MTCL1: variants seen among roughly 807,000 people sequenced by gnomAD.
MTCL1 encodes microtubule cross-linking factor 1.
A neutral mutation model predicts 141.4 loss-of-function variants in MTCL1; 79 were observed. The observed-to-expected ratio is 0.56, with a 90% CI of 0.47 to 0.67. The LOEUF is 0.67. Ranked by LOEUF, MTCL1 falls within the 30% of genes least tolerant of loss-of-function variation. The probability of loss-of-function intolerance (pLI) is 0.00; values close to 1 mark genes in which losing one functional copy is unlikely to be tolerated. For missense variants in MTCL1, 2,177 were observed against 2,113.9 expected (o/e 1.03, Z -0.59); for synonymous variants, 914 against 875.8 (o/e 1.04, Z -0.77).
chr18:8,817,330 A>C (rs1568093506), intron 12 of MTCL1, among the ~76,000 whole-genome samples: 4 of 132,128 alleles, frequency 3.0e-5, no homozygotes, highest in Non-Finnish European at 1.5e-5. Context: ...ATCATCAGGG[A>C]GGTGGAGGAG....
chr18:8,758,883 A>G (rs2148991390), intron 4 of MTCL1, among the ~76,000 whole-genome samples: 1 of 152,288 alleles, frequency 6.6e-6, no homozygotes, highest in Non-Finnish European at 1.5e-5. Context: ...AAATATACCT[A>G]TCTTGCAGAT....
At chr18:8,786,119 C>CCGCCA in intron 7 of MTCL1, 28 bp downstream of exon 6, 2 of 1,428,830 alleles carry the variant, frequency 1.4e-6, no homozygotes, top group East Asian at 2.6e-5. Context: ...ATCCCCCCCC[C>CCGCCA]CCGCCCTCCC....
intron 7 of MTCL1, chr18:8,787,071 C>T (rs1286015032): frequency 2.0e-5 from 3 of 152,762 alleles, no homozygotes; most frequent in African/African-American, 7.2e-5. Context: ...TGTCAGAGAG[C>T]TCTCCTCCTG....
At chr18:8,706,103 C>G (rs2096057691) in exon 1 of MTCL1, 1 of 1,208,940 alleles carries the variant, frequency 8.3e-7, no homozygotes. Context: ...GGGAAGCCTC[C>G]CGGAGCCGAG....
At chr18:8,765,298 A>G (rs1768638055) in intron 4 of MTCL1, among the ~76,000 whole-genome samples, 1 of 152,216 alleles carries the variant, frequency 6.6e-6, no homozygotes, top group African/African-American at 2.4e-5. Context: ...TGGGGCAACT[A>G]TGCCAGAGAC....
At chr18:8,809,384 T>C in intron 11 of MTCL1, 1 of 1,514,514 alleles carries the variant, frequency 6.6e-7, no homozygotes, top group Non-Finnish European at 8.8e-7. Context: ...ACGGATCTTT[T>C]TGAAAGGAAG....
chr18:8,825,786 C>T, exon 15 of MTCL1: 2 of 1,614,138 alleles, frequency 1.2e-6, no homozygotes, highest in Non-Finnish European at 1.7e-6. Flanking sequence ...AGCCTGGGCC[C>T]GCTCCACCAC....
At chr18:8,718,727 T>C in intron 3 of MTCL1, 79 bp downstream of exon 2, 2 of 1,308,300 alleles carry the variant, frequency 1.5e-6, no homozygotes, top group South Asian at 2.4e-5. Flanking sequence ...CTGGTGTTTT[T>C]TCCCTGCTTG....
chr18:8,786,032 C>G, exon 7 of MTCL1: 4 of 1,606,326 alleles, frequency 2.5e-6, no homozygotes, highest in African/African-American at 2.7e-5. Context: ...GCTGCACCGC[C>G]GCGCAGACGG....
chr18:8,783,415 A>G (rs2143500333), intron 5 of MTCL1, 115 bp from the exon 5 acceptor site: 1 of 961,408 alleles, frequency 1.0e-6, no homozygotes, highest in Non-Finnish European at 1.5e-6. Flanking sequence ...ACCGATGGGA[A>G]GATCGGTGTT....
At chr18:8,826,752 A>G (rs2077040446) in intron 15 of MTCL1, among the ~76,000 whole-genome samples, 2 of 152,164 alleles carry the variant, frequency 1.3e-5, no homozygotes, top group Admixed American at 1.3e-4. Flanking sequence ...GCAGCTCACA[A>G]ATCACTTACC....
chr18:8,798,951 G>A (rs775362824), intron 10 of MTCL1, among the ~76,000 whole-genome samples: 5 of 152,166 alleles, frequency 3.3e-5, no homozygotes, highest in African/African-American at 4.8e-5. Context: ...CTGTGTTAAC[G>A]CTGTCTCGCT....
rs190130841 is a variant in MTCL1, at chr18:8,707,018, T to C, written c.1053+305T>C. On this transcript the variant is annotated intron_variant, in intron 1 of 13. Transcript: ENST00000306329. ...TGGGGCAGAGGAGGCTGTAATCGTTTTGGGGACATCAGCGGACGCCCCCAT... is the reference window on the plus strand; with the variant it reads ...TGGGGCAGAGGAGGCTGTAATCGTTCTGGGGACATCAGCGGACGCCCCCAT... 3.3e-3 allele frequency: 1,036 copies of C among 315,584 alleles called. 19 individuals are homozygous for C. Among genetic ancestry groups the C allele is most frequent in the African/African-American group, 0.02 (913 of 45,644 alleles). 19.5% of individuals were successfully genotyped at this position (315,584 alleles called of 1,614,324 possible).
chr18:8,759,894 C>T (rs547993425), intron 4 of MTCL1, among the ~76,000 whole-genome samples: 7 of 152,024 alleles, frequency 4.6e-5, no homozygotes, highest in South Asian at 4.2e-4. Flanking sequence ...TTGCGATTCC[C>T]GGTTTCTCCA....
intron 4 of MTCL1, among the ~76,000 whole-genome samples, chr18:8,756,062 A>G (rs1325303338): frequency 1.3e-5 from 2 of 152,220 alleles, no homozygotes; most frequent in Non-Finnish European, 2.9e-5. Flanking sequence ...TCTTGAGTGC[A>G]GGAATTTGAG....
At chr18:8,710,136 G>A (rs1392986661) in intron 1 of MTCL1, among the ~76,000 whole-genome samples, 2 of 152,140 alleles carry the variant, frequency 1.3e-5, no homozygotes, top group Non-Finnish European at 2.9e-5. Flanking sequence ...CACCGCGCCC[G>A]GCCTGGCCTG....
At chr18:8,717,174 C>G (rs1419227453), upstream of MTCL1, among the ~76,000 whole-genome samples, 1 of 152,190 alleles carries the variant, frequency 6.6e-6, no homozygotes, top group Admixed American at 6.5e-5. Context: ...TTGCTCCCCT[C>G]TGAAGCTTAC....
chr18:8,750,631 A>G (rs1165320977), intron 4 of MTCL1, among the ~76,000 whole-genome samples: 1 of 152,184 alleles, frequency 6.6e-6, no homozygotes, highest in Non-Finnish European at 1.5e-5. Flanking sequence ...GGGGTTACCA[A>G]CCTGGACCCC....
chr18:8,717,512 G>C (rs1231467478), intron 1 of MTCL1: 1 of 152,640 alleles, frequency 6.6e-6, no homozygotes, highest in Non-Finnish European at 1.5e-5. Context: ...CCCCTGGAGG[G>C]TTTGAGTAGG....
Sources: gnomAD v4.1 joint callset for allele counts (sites outside exome capture counted in the v4.1 genomes callset) on GRCh38, gnomAD v4.1.1 for gene constraint, MANE v1.5 for transcripts, NCBI Gene and HGNC (gene_info 2026-07-23, HGNC 2026-07-21) for gene names.